SAMSN1: variants seen among roughly 807,000 people sequenced by gnomAD.
SAMSN1 encodes the protein SAM domain, SH3 domain and nuclear localization signals 1, also known as SAM domain-containing protein SAMSN-1.
SAMSN1 carries 31 observed loss-of-function variants against 42.0 expected under a neutral mutation model. That is an observed-to-expected ratio of 0.74 (90% CI 0.55 to 1.00). The LOEUF (loss-of-function observed/expected upper bound fraction) is 1.00, where lower values mean the gene tolerates loss of function less well. Among genes scored for constraint, SAMSN1 ranks in the 50% least tolerant of loss-of-function variants. The pLI is 0.00. For missense variants in SAMSN1, 464 were observed against 439.4 expected (o/e 1.06, Z -0.50); for synonymous variants, 178 against 151.9 (o/e 1.17, Z -1.26).
At chr21:14,574,847 C>T (rs1441982658) in intron 2 of SAMSN1, among the ~76,000 whole-genome samples, 3 of 152,078 alleles carry the variant, frequency 2.0e-5, no homozygotes, top group Non-Finnish European at 2.9e-5. Context: ...ATTATAATAT[C>T]TCATATTTTA....
intron 4 of SAMSN1, chr21:14,612,811 G>A (rs1402891938): frequency 7.4e-6 from 5 of 679,496 alleles, no homozygotes; most frequent in Non-Finnish European, 1.4e-5. Context: ...GGCAGGAGCA[G>A]GAGAAAAGAA....
chr21:14,531,584 G>A (rs945331979), intron 1 of SAMSN1, among the ~76,000 whole-genome samples: 1 of 151,614 alleles, frequency 6.6e-6, no homozygotes, highest in African/African-American at 2.4e-5. Context: ...TTAAACATAC[G>A]TGATAATTGA....
At chr21:14,644,588 C>T (rs1983676639) in intron 1 of SAMSN1, among the ~76,000 whole-genome samples, 1 of 152,118 alleles carries the variant, frequency 6.6e-6, no homozygotes, top group Non-Finnish European at 1.5e-5. Context: ...AGACTCAGCA[C>T]ATTACTAGCT....
At chr21:14,608,051 C>A (rs894396947) in intron 5 of SAMSN1, among the ~76,000 whole-genome samples, 2 of 152,160 alleles carry the variant, frequency 1.3e-5, no homozygotes, top group African/African-American at 4.8e-5. Context: ...GGAAGTGGAG[C>A]AAAGTGGCTG....
At chr21:14,582,812 C>T (rs1981786598) in intron 1 of SAMSN1, among the ~76,000 whole-genome samples, 1 of 151,784 alleles carries the variant, frequency 6.6e-6, no homozygotes. Context: ...TTAAAAAACC[C>T]ACCTCTTATG....
rs573673874 is a variant in SAMSN1 at position 14,573,217 on chromosome 21, G to A, written c.261+8919C>T. 7.9e-5 allele frequency among the ~76,000 whole-genome samples: 12 copies of A among 152,250 alleles called. 1 individual carries two copies. The highest frequency in any genetic ancestry group is 3.9e-4 in the East Asian group (2 of 5,178). ...TCTCCAACCAAGCACTCTTTATACC[G>A]CACAGACCCTGATCTTCTGCTCCCT... On this transcript the variant is annotated intron_variant, in intron 2 of 8. Coordinates refer to the SAMSN1 transcript ENST00000285670.
chr21:14,552,049 C>T (rs1252485155), intron 2 of SAMSN1, among the ~76,000 whole-genome samples: 1 of 152,022 alleles, frequency 6.6e-6, no homozygotes, highest in Non-Finnish European at 1.5e-5. Context: ...AGAGTTGGTT[C>T]AATCATTACA....
At chr21:14,561,751 C>A (rs1451210420) in intron 2 of SAMSN1, among the ~76,000 whole-genome samples, 1 of 152,176 alleles carries the variant, frequency 6.6e-6, no homozygotes, top group African/African-American at 2.4e-5. Context: ...TCCAATAAAA[C>A]CAGTGTCCTT....
intron 2 of SAMSN1, among the ~76,000 whole-genome samples, chr21:14,637,879 A>G (rs1466967428): frequency 6.6e-6 from 1 of 152,204 alleles, no homozygotes; most frequent in South Asian, 2.1e-4. Context: ...TCTGAAAGCC[A>G]GCCATCCTTC....
intron 6 of SAMSN1, 58 bp from the exon 7 acceptor site, chr21:14,498,650 C>T: frequency 7.2e-7 from 1 of 1,381,758 alleles, no homozygotes; most frequent in African/African-American, 1.5e-5. Flanking sequence ...ATTTTTAGTT[C>T]TCTTTAGATT....
At chr21:14,583,589 A>T (rs115278113), upstream of SAMSN1, 4 of 689,342 alleles carry the variant, frequency 5.8e-6, no homozygotes, top group African/African-American at 5.4e-5. Context: ...GGCTTCATTA[A>T]CGTATGCTTC....
chr21:14,521,070 C>T, intron 2 of SAMSN1, 80 bp downstream of exon 2: 1 of 883,246 alleles, frequency 1.1e-6, no homozygotes, highest in Non-Finnish European at 1.8e-6. Context: ...TCTTATTTTA[C>T]TTTGCAAAAG....
At chr21:14,490,308 A>G (rs182923911) in intron 7 of SAMSN1, among the ~76,000 whole-genome samples, 1 of 152,352 alleles carries the variant, frequency 6.6e-6, no homozygotes, top group African/African-American at 2.4e-5. Flanking sequence ...GTTAAAATTC[A>G]TATGAGAATA....
chr21:14,546,299 C>G lies in SAMSN1; in HGVS notation c.-38G>C. ...CTACTCCTAGTGAGTGCACTTTCTG[C>G]TGTTACAGAAACAACTGAAAACAGT... On this transcript the variant is annotated 5_prime_UTR_variant, in exon 1 of 8. Transcript: ENST00000400566. The G allele has an allele frequency of 1.9e-6, 3 of 1,611,050 alleles. No individual in the cohort carries two copies. The highest frequency in any genetic ancestry group is 2.5e-6 in the Non-Finnish European group (3 of 1,178,530).
At chr21:14,618,080 A>G (rs1184978556) in intron 2 of SAMSN1, among the ~76,000 whole-genome samples, 39 of 152,172 alleles carry the variant, frequency 2.6e-4, no homozygotes, top group Admixed American at 2.6e-3. Flanking sequence ...GGTTACTTTT[A>G]CTATGTATGT....
chr21:14,548,580 T>C (rs1285545232), upstream of SAMSN1, among the ~76,000 whole-genome samples: 4 of 152,116 alleles, frequency 2.6e-5, no homozygotes, highest in African/African-American at 7.2e-5. Flanking sequence ...ACAAAATAAA[T>C]ATTTTCCTTC....
At chr21:14,595,652 A>C (rs461178) in intron 6 of SAMSN1, among the ~76,000 whole-genome samples, 77,946 of 151,926 alleles carry the variant, frequency 0.51, 20,665 homozygotes, top group African/African-American at 0.65. Flanking sequence ...ACACATAAGG[A>C]AATTGAAGCA....
chr21:14,597,377 C>A (rs1380795353), intron 6 of SAMSN1, among the ~76,000 whole-genome samples: 1 of 152,060 alleles, frequency 6.6e-6, no homozygotes, highest in Non-Finnish European at 1.5e-5. Flanking sequence ...CTGTACATAG[C>A]CAATGGGATG....
intron 2 of SAMSN1, among the ~76,000 whole-genome samples, chr21:14,618,430 T>A (rs551058682): frequency 7.2e-5 from 11 of 152,304 alleles, no homozygotes; most frequent in South Asian, 4.1e-4. Flanking sequence ...ATTCCCTCGG[T>A]GTTGCCTAGT....
Sources: gnomAD v4.1 joint callset for allele counts (sites outside exome capture counted in the v4.1 genomes callset) on GRCh38, gnomAD v4.1.1 for gene constraint, MANE v1.5 for transcripts, NCBI Gene and HGNC (gene_info 2026-07-23, HGNC 2026-07-21) for gene names.